SNX33: variants seen among roughly 807,000 people sequenced by gnomAD.
The protein encoded by SNX33 is sorting nexin-33.
In SNX33, 19 loss-of-function variants were observed where a neutral mutation model predicts 38.8. That is an observed-to-expected ratio of 0.49 (90% CI 0.34 to 0.72). The LOEUF (loss-of-function observed/expected upper bound fraction) is 0.72, where lower values mean the gene tolerates loss of function less well. Among genes scored for constraint, SNX33 ranks in the 30% least tolerant of loss-of-function variants. The pLI is 0.01. For synonymous variants in SNX33, 246 were observed against 289.7 expected (o/e 0.85, Z 1.53); for missense variants, 641 against 776.4 (o/e 0.83, Z 2.07).
Position 75,650,582 on chromosome 15 carries a change from C to A in SNX33, c.1471+9C>A, listed in dbSNP as rs1307918068. The stretch of plus-strand genomic sequence containing the variant: ...CATCCATCTACAAAAAGGTAAGGCC[C>A]AGTGCAGGCAGGAAACTCGTCCTGA... On this transcript the variant is annotated intron_variant, in intron 1 of 1. Coordinates refer to ENST00000308527, the MANE Select transcript of SNX33 (RefSeq NM_153271.2). This position sits in a 1 kb window ranked among gnomAD's most constrained non-coding sequence, Gnocchi z 6.1. 6.4e-7 allele frequency: 1 copy of A among 1,571,424 alleles called. No individual in the cohort carries two copies. Among genetic ancestry groups the A allele is most frequent in the Non-Finnish European group, 8.6e-7 (1 of 1,157,450 alleles).
Position 75,657,474 on chromosome 15 carries a change from C to A in SNX33, c.*259C>A. ...CGAGGCCAAGGCCTGGGCTGCCGGT[C>A]AGTCAGTGAAGGTCAGGCCAGGGTC... is the stretch of plus-strand genomic sequence containing the variant. On this transcript the variant is annotated 3_prime_UTR_variant, in exon 2 of 2. Transcript: ENST00000308527. This position sits in a 1 kb window ranked among gnomAD's most constrained non-coding sequence, Gnocchi z 5.5. The A allele has an allele frequency of 1.7e-6, 1 of 589,136 alleles. No homozygotes were observed. Among genetic ancestry groups the A allele is most frequent in the Non-Finnish European group, 2.9e-6 (1 of 339,610 alleles). 36.5% of individuals were successfully genotyped at this position (589,136 alleles called of 1,614,324 possible). A position where few individuals can be genotyped will look rare whatever the true frequency, so the allele number is the denominator to read the frequency against.
chr15:75,651,226 C>G (rs1325484527), intron 1 of SNX33, among the ~76,000 whole-genome samples: 1 of 152,238 alleles, frequency 6.6e-6, no homozygotes, highest in Non-Finnish European at 1.5e-5. Context: ...GGAAGCTACT[C>G]TCACCACTGT....
At chr15:75,654,791 C>G (rs571762864) in intron 1 of SNX33, among the ~76,000 whole-genome samples, 1 of 152,158 alleles carries the variant, frequency 6.6e-6, no homozygotes, top group Non-Finnish European at 1.5e-5. Flanking sequence ...ACCTCTGCAG[C>G]CTTTGCTCCC....
chr15:75,656,899 G>A (rs1893658032), intron 1 of SNX33, 63 bp from the exon 2 acceptor site: 1 of 1,568,544 alleles, frequency 6.4e-7, no homozygotes, highest in Admixed American at 1.8e-5. Flanking sequence ...CTGCCCTCAA[G>A]GGTACAGGGA....
At position 75,657,253 on chromosome 15, in the gene SNX33, G is replaced by T. The variant is rs1295855341; in HGVS notation, c.*38G>T. Reference sequence around the variant, plus strand: ...GGGCCCCCTCCTTCCCCTGGGCCTGGTCACTGCAGTGTACCCCACTTTCCC... The same window carrying T: ...GGGCCCCCTCCTTCCCCTGGGCCTGTTCACTGCAGTGTACCCCACTTTCCC... On this transcript the variant is annotated 3_prime_UTR_variant, in exon 2 of 2. Coordinates refer to ENST00000308527, the MANE Select transcript of SNX33 (RefSeq NM_153271.2). The surrounding 1 kb of genome is among the most constrained non-coding windows in gnomAD (Gnocchi z 5.5). The T allele has an allele frequency of 1.2e-6, 2 of 1,611,260 alleles. No individual in the cohort carries two copies. The highest frequency in any genetic ancestry group is 1.7e-6 in the Non-Finnish European group (2 of 1,178,476).
rs1893552902 is a variant in SNX33, at chr15:75,649,782, C to T, written c.680C>T (p.Pro227Leu). 1 of 1,520,792 alleles carries T rather than the reference C, an allele frequency of 6.6e-7. No homozygotes were observed. The highest frequency in any genetic ancestry group is 1.3e-5 in the South Asian group (1 of 76,058). 94.2% of individuals were successfully genotyped at this position (1,520,792 alleles called of 1,614,324 possible). Residue 227 changes from proline to leucine, a missense_variant, in exon 1 of 2, where the codon CCC becomes CTC. Around this residue, in one of 2 missense-constraint regions of SNX33, gnomAD observed 398 missense variants for 542.5 expected, o/e 0.73. Coordinates refer to ENST00000308527, the MANE Select transcript of SNX33 (RefSeq NM_153271.2). The surrounding 1 kb of genome is among the most constrained non-coding windows in gnomAD (Gnocchi z 6.6). ...CGTGGCCCCCAGTGGAAGGCCAATC[C>T]CCACCCATTTGCCTGCTCTGTGGAG... ...GPRGPQWKAN[P>L]HPFACSVEDP...
chr15:75,655,383 G>A (rs1192034584), intron 1 of SNX33, among the ~76,000 whole-genome samples: 1 of 152,210 alleles, frequency 6.6e-6, no homozygotes, highest in African/African-American at 2.4e-5. Context: ...GCTGCCCAGG[G>A]CTGGGCTGTT....
chr15:75,657,129 C>G lies in SNX33; in HGVS notation c.1639C>G (p.Gln547Glu), dbSNP rs747715743. Residue 547 changes from glutamine (Q) to glutamate (E), a missense_variant, in exon 2 of 2, where the codon CAG becomes GAG. Gln to Glu is a conservative substitution (Grantham distance 29). Around this residue, in one of 2 missense-constraint regions of SNX33, gnomAD observed 398 missense variants for 542.5 expected, o/e 0.73. Transcript: ENST00000308527. This position sits in a 1 kb window ranked among gnomAD's most constrained non-coding sequence, Gnocchi z 5.5. ...TGAGCTCGACTTCAAGCACATGATG[C>G]AGAACTACTTGCGCCAGCAGATCCT... ...RRELDFKHMM[Q>E]NYLRQQILFY... is the part of the protein sequence containing the mutation. 3 of 1,614,190 alleles carry G rather than the reference C, an allele frequency of 1.9e-6. No individual in the cohort carries two copies. The highest frequency in any genetic ancestry group is 2.5e-6 in the Non-Finnish European group (3 of 1,180,018).
chr15:75,649,213 C>A lies in SNX33; in HGVS notation c.111C>A (p.Gly37=), dbSNP rs1893537041. The change falls in exon 1 of 2, where the codon GGC becomes GGA. Residue 37 remains glycine (G), a synonymous_variant. Transcript: ENST00000308527. This position sits in a 1 kb window ranked among gnomAD's most constrained non-coding sequence, Gnocchi z 6.6. ...TCTTTAGCGAGACCTCACTGGATGG[C>A]TGGCTGCAGGGCCAGAACAGCCGTG... ...LVIFSETSLD[G]WLQGQNSRGE... 5 of 1,614,164 alleles carry A rather than the reference C, an allele frequency of 3.1e-6. No homozygotes were observed. Among genetic ancestry groups the A allele is most frequent in the Non-Finnish European group, 4.2e-6 (5 of 1,180,024 alleles).
intron 1 of SNX33, among the ~76,000 whole-genome samples, chr15:75,654,054 C>T (rs1475493474): frequency 6.7e-6 from 1 of 149,588 alleles, no homozygotes; most frequent in East Asian, 2.0e-4. Flanking sequence ...GATCAAGCCA[C>T]TGCACTCCAG....
At position 75,648,421 on chromosome 15, in the gene SNX33, TCA is replaced by T; in HGVS notation, c.-681_-680del. 5 of 985,396 alleles carry T rather than the reference TCA, an allele frequency of 5.1e-6. No homozygotes were observed. The highest frequency in any genetic ancestry group is 4.8e-6 in the Non-Finnish European group (4 of 829,930). 61.0% of individuals were successfully genotyped at this position (985,396 alleles called of 1,614,324 possible). A position where few individuals can be genotyped will look rare whatever the true frequency, so the allele number is the denominator to read the frequency against. On this transcript the variant is annotated 5_prime_UTR_variant, in exon 1 of 2. Transcript: ENST00000308527. The surrounding 1 kb of genome is among the most constrained non-coding windows in gnomAD (Gnocchi z 4.4). ...GAGTTGGCGGCCTGTTGTGTAAGCC[TCA>T]GTCCTTGTTTTCCCGGCCTGGCTCG...
rs533393780 is a variant in SNX33 at position 75,660,121 on chromosome 15, T to G, written c.*2906T>G. The G allele has an allele frequency of 1.3e-5, 2 of 152,326 alleles. No homozygotes were observed. The highest frequency in any genetic ancestry group is 3.9e-4 in the East Asian group (2 of 5,180). 9.4% of individuals were successfully genotyped at this position (152,326 alleles called of 1,614,324 possible). A position where few individuals can be genotyped will look rare whatever the true frequency, so the allele number is the denominator to read the frequency against. On this transcript the variant is annotated 3_prime_UTR_variant, in exon 2 of 2. Coordinates refer to ENST00000308527, the MANE Select transcript of SNX33 (RefSeq NM_153271.2). ...CCAGCTGCCTCGTTTCCTCCCTTAC[T>G]TTGCTCTGAGGGGGTGGAAAACAAG... is the stretch of plus-strand genomic sequence containing the variant.
rs1893693450 is a variant in SNX33, at chr15:75,659,236, G to C, written c.*2021G>C. 1 of 152,410 alleles carries C rather than the reference G, an allele frequency of 6.6e-6. No homozygotes were observed. The highest frequency in any genetic ancestry group is 2.1e-4 in the South Asian group (1 of 4,836). The allele number at this position is 152,410 out of a possible 1,614,324, so 9.4% of individuals were successfully genotyped here. A position where few individuals can be genotyped will look rare whatever the true frequency, so the allele number is the denominator to read the frequency against. On this transcript the variant is annotated 3_prime_UTR_variant, in exon 2 of 2. Coordinates refer to ENST00000308527, the MANE Select transcript of SNX33 (RefSeq NM_153271.2). ...GAGAGGAGGGTACTGGTTGAGACTTGGCTCTCCTTTGGAGGCAATGGGGAC... is the reference window on the plus strand; with the variant it reads ...GAGAGGAGGGTACTGGTTGAGACTTCGCTCTCCTTTGGAGGCAATGGGGAC...
In SNX33 at chr15:75,660,010, T is replaced by C. The variant is rs867148497; in HGVS notation, c.*2795T>C. 2.6e-5 allele frequency: 4 copies of C among 151,734 alleles called. No individual in the cohort carries two copies. Among genetic ancestry groups the C allele is most frequent in the African/African-American group, 9.7e-5 (4 of 41,298 alleles). 9.4% of individuals were successfully genotyped at this position (151,734 alleles called of 1,614,324 possible). On this transcript the variant is annotated 3_prime_UTR_variant, in exon 2 of 2. Coordinates refer to ENST00000308527, the MANE Select transcript of SNX33 (RefSeq NM_153271.2). ...TAGCTAAGCCCCTTTCAGCAGGAGATTGGGGGACCAGTGTTGGGGGCATCC... is the reference window on the plus strand; with the variant it reads ...TAGCTAAGCCCCTTTCAGCAGGAGACTGGGGGACCAGTGTTGGGGGCATCC...
Position 75,648,258 on chromosome 15 carries a change from C to T in SNX33, c.-845C>T. On this transcript the variant is annotated 5_prime_UTR_variant, in exon 1 of 2. Coordinates refer to ENST00000308527, the MANE Select transcript of SNX33 (RefSeq NM_153271.2). The surrounding 1 kb of genome is among the most constrained non-coding windows in gnomAD (Gnocchi z 4.4). The stretch of plus-strand genomic sequence containing the variant: ...TGAGGAATTAGGCAAACAAAAGAGA[C>T]CACTCAGCGAGTGGCTAGAAGTCGC... 2 of 985,468 alleles carry T rather than the reference C, an allele frequency of 2.0e-6. No individual in the cohort carries two copies. Among genetic ancestry groups the T allele is most frequent in the South Asian group, 9.4e-5 (2 of 21,292 alleles). 61.0% of individuals were successfully genotyped at this position (985,468 alleles called of 1,614,324 possible). A position where few individuals can be genotyped will look rare whatever the true frequency, so the allele number is the denominator to read the frequency against.
At position 75,657,041 on chromosome 15, in the gene SNX33, C is replaced by T; in HGVS notation, c.1551C>T (p.Arg517=). 12 of 1,614,158 alleles carry T rather than the reference C, an allele frequency of 7.4e-6. No individual in the cohort carries two copies. The highest frequency in any genetic ancestry group is 1.0e-5 in the Non-Finnish European group (12 of 1,180,018). ...TGCAGGACGAGGCAGACGGCATTCG[C>T]AGGCGCTGCCGCGTGGTGGGTTTCG... The part of the protein sequence containing the change: ...RMVQDEADGI[R]RRCRVVGFAL... The change falls in exon 2 of 2, where the codon CGC becomes CGT. Residue 517 remains arginine (R), a synonymous_variant. Coordinates refer to ENST00000308527, the MANE Select transcript of SNX33 (RefSeq NM_153271.2). This position sits in a 1 kb window ranked among gnomAD's most constrained non-coding sequence, Gnocchi z 5.5.
chr15:75,649,739 T>G lies in SNX33; in HGVS notation c.637T>G (p.Ser213Ala). The change falls in exon 1 of 2, where the codon TCC (serine) becomes GCC (alanine). Residue 213 changes from serine (S) to alanine (A), a missense_variant. Physicochemically the swap from Ser to Ala is moderately conservative, Grantham distance 99. Around this residue, in one of 2 missense-constraint regions of SNX33, gnomAD observed 398 missense variants for 542.5 expected, o/e 0.73. Coordinates refer to ENST00000308527, the MANE Select transcript of SNX33 (RefSeq NM_153271.2). The surrounding 1 kb of genome is among the most constrained non-coding windows in gnomAD (Gnocchi z 6.6). ...GATGGCCAAGATCGCTGAGACATAC[T>G]CCATTGAAATGGGCCCTCGTGGCCC... ...PMMAKIAETY[S>A]IEMGPRGPQW... 6.5e-7 allele frequency: 1 copy of G among 1,532,624 alleles called. No homozygotes were observed. The highest frequency in any genetic ancestry group is 8.8e-7 in the Non-Finnish European group (1 of 1,137,636). The allele number at this position is 1,532,624 out of a possible 1,614,324, so 94.9% of individuals were successfully genotyped here.
Position 75,662,150 on chromosome 15 carries a change from C to T in SNX33, c.*4935C>T, listed in dbSNP as rs927786431. ...ATGTGTAGAACTTTTGGGGATGGCACATTTGAAGACCTTAGGGAGCTTTGC... is the reference window on the plus strand; with the variant it reads ...ATGTGTAGAACTTTTGGGGATGGCATATTTGAAGACCTTAGGGAGCTTTGC... On this transcript the variant is annotated 3_prime_UTR_variant, in exon 2 of 2. Coordinates refer to ENST00000308527, the MANE Select transcript of SNX33 (RefSeq NM_153271.2). The T allele has an allele frequency of 2.0e-5, 3 of 152,014 alleles. No individual in the cohort carries two copies. The highest frequency in any genetic ancestry group is 7.3e-5 in the African/African-American group (3 of 41,352). 9.4% of individuals were successfully genotyped at this position (152,014 alleles called of 1,614,324 possible).
chr15:75,654,030 T>C (rs531921059), intron 1 of SNX33, among the ~76,000 whole-genome samples: 69 of 150,286 alleles, frequency 4.6e-4, no homozygotes, highest in African/African-American at 1.7e-3. Flanking sequence ...CAGGCGGAGG[T>C]TGCAGTGAGC....
Sources: gnomAD v4.1 joint callset for allele counts (sites outside exome capture counted in the v4.1 genomes callset) on GRCh38, gnomAD v4.1.1 for gene constraint, gnomAD v4.1.1 regional missense constraint, Gnocchi (gnomAD v3.1) non-coding constraint, MANE v1.5 for transcripts, NCBI Gene and HGNC (gene_info 2026-07-23, HGNC 2026-07-21) for gene names.